F8: variants seen among roughly 807,000 people sequenced by gnomAD.
F8 encodes coagulation factor VIII.
F8 carries 12 observed loss-of-function variants against 140.6 expected under a neutral mutation model. The observed-to-expected ratio is 0.09, with a 90% CI of 0.05 to 0.14. The LOEUF is 0.14. Ranked by LOEUF, F8 falls within the 10% of genes least tolerant of loss-of-function variation. F8 has a pLI of 1.00. For missense variants in F8, 1,354 were observed against 1,720.7 expected, an observed-to-expected ratio of 0.79 and a Z score of 3.77; for synonymous variants, 585 against 614.6, an observed-to-expected ratio of 0.95 and a Z score of 0.71.
intron 3 of F8, among the ~76,000 whole-genome samples, chrX:154,994,473 T>C (rs1044005918): frequency 1.2e-4 from 13 of 112,462 alleles, no homozygotes. Context: ...GACTGCAGAT[T>C]GCATCTGGTT....
chrX:154,981,328 T>C (rs182534074), intron 6 of F8, among the ~76,000 whole-genome samples: 1 of 110,284 alleles, frequency 9.1e-6, no homozygotes, highest in Non-Finnish European at 1.9e-5. Context: ...ACCTTGATGT[T>C]TCTGTGAGGA....
intron 14 of F8, among the ~76,000 whole-genome samples, chrX:154,925,837 T>C (rs782489678): frequency 1.8e-5 from 2 of 112,446 alleles, no homozygotes; most frequent in South Asian, 7.4e-4. Context: ...TTTGAGTTAA[T>C]GCTGAAATGT....
rs781964117 is a variant in F8, at chrX:154,966,432, T to C, written c.1265A>G (p.Asp422Gly). 6.6e-6 allele frequency: 8 copies of C among 1,209,348 alleles called. No individual in the cohort carries two copies. Among genetic ancestry groups the C allele is most frequent in the Non-Finnish European group, 8.9e-6 (8 of 895,012 alleles). The change falls in exon 8 of 26, where the codon GAT becomes GGT. Residue 422 changes from aspartate to glycine, a missense_variant. Physicochemically the swap from Asp to Gly is moderately conservative, Grantham distance 94. This residue lies in a region of F8 where 252 missense variants were observed against 338.5 expected (regional missense o/e 0.74). Transcript: ENST00000360256. ...ATAGTCAAAAAGTGCTTACCTGTCA[T>C]CGGGGGCGAGGACTAAGGGAGCATA... ...WDYAPLVLAP[D>G]DRSYKSQYLN...
intron 21 of F8, among the ~76,000 whole-genome samples, chrX:154,898,736 G>C (rs2072995330): frequency 8.9e-6 from 1 of 112,265 alleles, no homozygotes; most frequent in South Asian, 3.7e-4. Flanking sequence ...CTTTGCTGCA[G>C]TATTAGAAAG....
chrX:154,960,281 A>C (rs1557281507), intron 10 of F8, among the ~76,000 whole-genome samples: 1 of 111,871 alleles, frequency 8.9e-6, no homozygotes, highest in African/African-American at 3.2e-5. Flanking sequence ...TTAGCAGTAT[A>C]AGTAACTTTT....
chrX:154,978,199 T>G (rs782642294), intron 6 of F8, among the ~76,000 whole-genome samples: 4 of 110,975 alleles, frequency 3.6e-5, no homozygotes, highest in Non-Finnish European at 7.5e-5. Context: ...AGAATTCTCT[T>G]GTATCTCACT....
chrX:154,903,873 T>C (rs782039657), intron 18 of F8, 33 bp downstream of exon 18: 6 of 1,162,931 alleles, frequency 5.2e-6, no homozygotes, highest in Non-Finnish European at 7.0e-6. Context: ...ACAAATAGAG[T>C]AGGTAGAAGA....
Position 154,929,600 on chromosome X carries a change from T to C in F8, c.4190A>G (p.His1397Arg), listed in dbSNP as rs2073180828. The C allele has an allele frequency of 8.3e-7, 1 of 1,211,333 alleles. No individual in the cohort carries two copies. The highest frequency in any genetic ancestry group is 2.3e-4 in the Middle Eastern group (1 of 4,353). Residue 1397 changes from histidine (H) to arginine (R), a missense_variant, in exon 14 of 26, where the codon CAT becomes CGT. His to Arg is a conservative substitution (Grantham distance 29). Transcript: ENST00000360256. ...AGATCTATTTGCTTGAGGGATGCTA[T>C]GACTCCTCGTAAGGCAATCTGATAA... ...SPLSDCLTRS[H>R]SIPQANRSPL...
chrX:154,917,090 G>A (rs781995031), intron 14 of F8, among the ~76,000 whole-genome samples: 2 of 111,604 alleles, frequency 1.8e-5, no homozygotes, highest in African/African-American at 3.2e-5. Flanking sequence ...AGTTTCAAAC[G>A]TTCCTCTTGT....
chrX:155,009,660 G>A (rs1418267877), intron 1 of F8, among the ~76,000 whole-genome samples: 4 of 110,597 alleles, frequency 3.6e-5, no homozygotes, highest in African/African-American at 1.3e-4. Flanking sequence ...GCTTGAACAC[G>A]GGAGGCAGAG....
At chrX:154,940,265 G>A (rs782166698) in intron 13 of F8, among the ~76,000 whole-genome samples, 1 of 110,972 alleles carries the variant, frequency 9.0e-6, no homozygotes, top group East Asian at 2.8e-4. Context: ...TATAAACTTT[G>A]AAAAAAAATT....
rs782607735 is a variant in F8 at position 154,969,370 on chromosome X, G to T, written c.970C>A (p.Gln324Lys). The change falls in exon 7 of 26, where the codon CAG becomes AAG. Residue 324 changes from glutamine (Q) to lysine (K), a missense_variant. This residue lies in a region of F8 where 252 missense variants were observed against 338.5 expected (regional missense o/e 0.74). Transcript: ENST00000360256. ...GAGATATGACAAAACAGTAGAAACT[G>T]TCCAAGGTCCATCAAGAGTGTTTGA... ...TAQTLLMDLG[Q>K]FLLFCHISSH... The T allele has an allele frequency of 2.5e-5, 30 of 1,209,839 alleles. No homozygotes were observed. The South Asian group carries it at 4.0e-4, about 16-fold the overall frequency.
chrX:154,935,981 A>AACACACAC lies in F8; in HGVS notation c.2114-4313_2114-4306dup, dbSNP rs782071576. 9.0e-3 allele frequency among the ~76,000 whole-genome samples: 793 copies of AACACACAC among 88,303 alleles called. 10 individuals carry two copies. The highest frequency in any genetic ancestry group is 0.029 in the African/African-American group (668 of 23,145). 76.7% of individuals were successfully genotyped at this position (88,303 alleles called of 115,157 possible). ...GAATAAGCCTAGAGAATGCCAAAGT[A>AACACACAC]ACACACACACACACACACACACACA... On this transcript the variant is annotated intron_variant, in intron 13 of 25. Coordinates refer to ENST00000360256, the MANE Select transcript of F8 (RefSeq NM_000132.4).
At chrX:155,020,791 T>C (rs1477122745) in intron 1 of F8, among the ~76,000 whole-genome samples, 1 of 112,309 alleles carries the variant, frequency 8.9e-6, no homozygotes, top group Non-Finnish European at 1.9e-5. Context: ...AATGATGCAA[T>C]ATCACTCTAC....
At chrX:155,015,722 A>G (rs1347955068) in intron 1 of F8, among the ~76,000 whole-genome samples, 1 of 111,969 alleles carries the variant, frequency 8.9e-6, no homozygotes, top group Non-Finnish European at 1.9e-5. Flanking sequence ...TATGTTCACT[A>G]CTTCAGTGAC....
chrX:154,843,034 A>G (rs901316818), intron 25 of F8, among the ~76,000 whole-genome samples: 33 of 111,744 alleles, frequency 3.0e-4, no homozygotes, highest in African/African-American at 9.7e-4. Flanking sequence ...CCTACGAGTG[A>G]GAACATGCGG....
intron 13 of F8, among the ~76,000 whole-genome samples, chrX:154,942,184 A>C (rs1557279831): frequency 9.6e-6 from 1 of 104,560 alleles, no homozygotes; most frequent in Non-Finnish European, 2.0e-5. Context: ...AACTGAAGGA[A>C]ATAGAGACAC....
chrX:154,983,208 T>C (rs2073539118), intron 6 of F8, among the ~76,000 whole-genome samples: 1 of 112,685 alleles, frequency 8.9e-6, no homozygotes, highest in African/African-American at 3.2e-5. Flanking sequence ...ATGATTGTTT[T>C]TCATAGAATC....
At chrX:154,939,675 C>G (rs1474693185) in intron 13 of F8, among the ~76,000 whole-genome samples, 1 of 112,296 alleles carries the variant, frequency 8.9e-6, no homozygotes, top group Non-Finnish European at 1.9e-5. Context: ...TAGTGGTTCT[C>G]CCAGCACGCA....
Sources: gnomAD v4.1 joint callset for allele counts (sites outside exome capture counted in the v4.1 genomes callset) on GRCh38, gnomAD v4.1.1 for gene constraint, gnomAD v4.1.1 regional missense constraint, MANE v1.5 for transcripts, NCBI Gene and HGNC (gene_info 2026-07-23, HGNC 2026-07-21) for gene names.